ZNF407: variants seen among roughly 807,000 people sequenced by gnomAD.
ZNF407 encodes zinc finger protein 407.
Under a neutral mutation model 131.2 loss-of-function variants are expected in ZNF407, and 17 were observed. That is an observed-to-expected ratio of 0.13 (90% confidence interval 0.09 to 0.19). The LOEUF (loss-of-function observed/expected upper bound fraction) is 0.19. ZNF407 is among the 10% of genes least tolerant of loss of function. The probability of loss-of-function intolerance (pLI) is 1.00; values close to 1 mark genes in which losing one functional copy is unlikely to be tolerated. For synonymous variants in ZNF407, 1,156 were observed against 1,062.0 expected (o/e 1.09, Z -1.72); for missense variants, 2,681 against 2,830.6 (o/e 0.95, Z 1.20).
intron 3 of ZNF407, among the ~76,000 whole-genome samples, chr18:74,763,307 TATTGAGCATGGG>T: frequency 6.6e-6 from 1 of 151,212 alleles, no homozygotes; most frequent in South Asian, 2.1e-4. Context: ...GTTTTCTTCT[TATTGAGCATGGG>T]ATTTCTTTTT....
chr18:74,788,345 T>G (rs1969760495), intron 4 of ZNF407, among the ~76,000 whole-genome samples: 2 of 152,166 alleles, frequency 1.3e-5, no homozygotes, highest in South Asian at 4.1e-4. Flanking sequence ...TTGAGCATTG[T>G]GCATCCCTGT....
intron 4 of ZNF407, among the ~76,000 whole-genome samples, chr18:74,830,773 T>C (rs563005140): frequency 2.0e-5 from 3 of 152,310 alleles, no homozygotes; most frequent in Non-Finnish European, 4.4e-5. Flanking sequence ...TTGGGGACAT[T>C]CAGTGTCTTC....
intron 4 of ZNF407, among the ~76,000 whole-genome samples, chr18:74,870,084 G>T (rs1274593426): frequency 2.0e-5 from 3 of 152,156 alleles, no homozygotes; most frequent in Non-Finnish European, 4.4e-5. Flanking sequence ...TTTAGAATGA[G>T]TCATTCTCTT....
chr18:74,885,582 T>G (rs960821710), intron 6 of ZNF407, among the ~76,000 whole-genome samples: 1 of 152,238 alleles, frequency 6.6e-6, no homozygotes, highest in Non-Finnish European at 1.5e-5. Context: ...AGACTTATTA[T>G]AAAGTTACAA....
At chr18:75,029,375 A>G (rs1465475985) in intron 8 of ZNF407, among the ~76,000 whole-genome samples, 1 of 152,188 alleles carries the variant, frequency 6.6e-6, no homozygotes, top group Non-Finnish European at 1.5e-5. Flanking sequence ...TGGCATGTGC[A>G]GTTTTGTTCC....
intron 4 of ZNF407, among the ~76,000 whole-genome samples, chr18:74,821,198 A>G (rs1452888837): frequency 6.6e-6 from 1 of 151,844 alleles, no homozygotes; most frequent in Non-Finnish European, 1.5e-5. Flanking sequence ...TTACTTTTGC[A>G]CCAACCTAGT....
At chr18:74,604,781 C>G (rs920785754) in intron 1 of ZNF407, among the ~76,000 whole-genome samples, 7 of 152,124 alleles carry the variant, frequency 4.6e-5, no homozygotes, top group Admixed American at 2.0e-4. Flanking sequence ...ATCATGTAAT[C>G]CCCCCAAATC....
intron 8 of ZNF407, among the ~76,000 whole-genome samples, chr18:74,966,398 C>G (rs1216050437): frequency 6.6e-6 from 1 of 152,090 alleles, no homozygotes; most frequent in African/African-American, 2.4e-5. Flanking sequence ...CTAGTTTTCC[C>G]AGCACCATTT....
rs201358901 is a variant in ZNF407 at position 74,829,814 on chromosome 18, G to GTT, written c.4878-47373_4878-47372dup. Among the ~76,000 whole-genome samples the GTT allele has an allele frequency of 2.6e-4, 38 of 146,434 alleles. No individual in the cohort carries two copies. In the Middle Eastern group the frequency reaches 0.014, roughly 55 times the overall value. ...TCTGGTCTTTCACCTAAGAGAGCCTGTTTTTTTTTTTATTTACAAAATTTT... is the reference window on the plus strand; with the variant it reads ...TCTGGTCTTTCACCTAAGAGAGCCTGTTTTTTTTTTTTTATTTACAAAATTTT... On this transcript the variant is annotated intron_variant, in intron 4 of 8. Transcript: ENST00000299687.
At chr18:75,060,629 C>T (rs1180925469) in intron 8 of ZNF407, among the ~76,000 whole-genome samples, 1 of 151,748 alleles carries the variant, frequency 6.6e-6, no homozygotes, top group Non-Finnish European at 1.5e-5. Context: ...CCTCAGCCTC[C>T]CGAGTAGCTG....
intron 8 of ZNF407, among the ~76,000 whole-genome samples, chr18:75,037,640 C>G (rs952733904): frequency 6.6e-6 from 1 of 152,080 alleles, no homozygotes; most frequent in African/African-American, 2.4e-5. Flanking sequence ...AAGGTTAAGA[C>G]ATTATTTTAC....
intron 4 of ZNF407, among the ~76,000 whole-genome samples, chr18:74,799,008 A>G (rs1363119116): frequency 6.6e-6 from 1 of 152,266 alleles, no homozygotes; most frequent in East Asian, 1.9e-4. Flanking sequence ...TGATGTAGTT[A>G]ACATCAAATC....
chr18:75,003,319 T>A (rs959783784), intron 8 of ZNF407, among the ~76,000 whole-genome samples: 1 of 152,230 alleles, frequency 6.6e-6, no homozygotes, highest in African/African-American at 2.4e-5. Flanking sequence ...ATACACAGCA[T>A]TTGCTAAATA....
intron 7 of ZNF407, among the ~76,000 whole-genome samples, chr18:74,915,449 G>A (rs1348506423): frequency 8.2e-6 from 1 of 122,598 alleles, no homozygotes; most frequent in Non-Finnish European, 1.6e-5. Context: ...GTATGGTGAG[G>A]TTGTGTGCAG....
Position 74,632,278 on chromosome 18 carries a change from T to G in ZNF407, c.1259T>G (p.Ile420Ser), listed in dbSNP as rs1599026793. 1.2e-6 allele frequency: 2 copies of G among 1,613,940 alleles called. No individual in the cohort carries two copies. Among genetic ancestry groups the G allele is most frequent in the Non-Finnish European group, 1.7e-6 (2 of 1,179,892 alleles). Residue 420 changes from isoleucine (I) to serine (S), a missense_variant, in exon 2 of 9, where the codon ATT becomes AGT. By Grantham distance (142) the Ile-to-Ser change is moderately radical (BLOSUM62 -2). Around this residue, in one of 6 missense-constraint regions of ZNF407, gnomAD observed 1,789 missense variants for 1,748.7 expected, o/e 1.02. Transcript: ENST00000299687. ...VTSRPRPERNILVLGNSFRRR... is the reference protein window; with the variant it reads ...VTSRPRPERNSLVLGNSFRRR... Reference sequence around the variant, plus strand: ...TCGAGGCCAAGACCTGAGCGAAATATTCTCGTGTTGGGTAATAGCTTTCGT... The same window carrying G: ...TCGAGGCCAAGACCTGAGCGAAATAGTCTCGTGTTGGGTAATAGCTTTCGT...
At chr18:74,693,196 T>C (rs1967271122) in intron 3 of ZNF407, among the ~76,000 whole-genome samples, 1 of 152,244 alleles carries the variant, frequency 6.6e-6, no homozygotes, top group Non-Finnish European at 1.5e-5. Context: ...ACCTTGATTT[T>C]ATTTAGACTT....
At chr18:74,772,502 C>T (rs1049373840) in intron 3 of ZNF407, among the ~76,000 whole-genome samples, 2 of 152,104 alleles carry the variant, frequency 1.3e-5, no homozygotes, top group African/African-American at 4.8e-5. Flanking sequence ...TCATGAGCAG[C>T]TTTCTATATT....
At chr18:74,698,462 T>TTCTGGTTA (rs1412153851) in intron 3 of ZNF407, among the ~76,000 whole-genome samples, 1 of 152,172 alleles carries the variant, frequency 6.6e-6, no homozygotes, top group African/African-American at 2.4e-5. Context: ...TGGTTATATG[T>TTCTGGTTA]ATTATGTGTG....
chr18:74,680,229 A>G (rs551359751), intron 3 of ZNF407, among the ~76,000 whole-genome samples: 1 of 152,156 alleles, frequency 6.6e-6, no homozygotes, highest in Admixed American at 6.5e-5. Flanking sequence ...CGTGTCTACA[A>G]AAAAGAAAAA....
Sources: gnomAD v4.1 joint callset for allele counts (sites outside exome capture counted in the v4.1 genomes callset) on GRCh38, gnomAD v4.1.1 for gene constraint, gnomAD v4.1.1 regional missense constraint, MANE v1.5 for transcripts, NCBI Gene and HGNC (gene_info 2026-07-23, HGNC 2026-07-21) for gene names.